Variants in CORIN observed in about 807,000 individuals in gnomAD.
CORIN encodes atrial natriuretic peptide-converting enzyme.
A neutral mutation model predicts 125.3 loss-of-function variants in CORIN; 117 were observed. That is an observed-to-expected ratio of 0.93 (90% CI 0.80 to 1.09). CORIN has a LOEUF of 1.09. Ranked by LOEUF, CORIN falls within the 50% of genes least tolerant of loss-of-function variation. The pLI is 0.00. For synonymous variants in CORIN, 450 were observed against 466.4 expected (o/e 0.96, Z 0.45); for missense variants, 1,253 against 1,306.7 (o/e 0.96, Z 0.63).
chr4:47,825,505 T>C (rs1011261965), intron 1 of CORIN, among the ~76,000 whole-genome samples: 3 of 152,154 alleles, frequency 2.0e-5, no homozygotes, highest in African/African-American at 4.8e-5. Flanking sequence ...CACACTAAAG[T>C]TCTAGGATCA....
At chr4:47,808,550 C>A (rs1328803377) in intron 1 of CORIN, among the ~76,000 whole-genome samples, 1 of 152,190 alleles carries the variant, frequency 6.6e-6, no homozygotes, top group Non-Finnish European at 1.5e-5. Flanking sequence ...TTTAAGAATT[C>A]TCCATGAGAG....
intron 13 of CORIN, among the ~76,000 whole-genome samples, 189 bp downstream of exon 13, chr4:47,653,364 T>A (rs1343389500): frequency 1.3e-5 from 2 of 152,164 alleles, no homozygotes; most frequent in African/African-American, 4.8e-5. Flanking sequence ...AAGTGCAATT[T>A]AGAGGAAATC....
Position 47,623,603 on chromosome 4 carries a change from C to T in CORIN, c.2508G>A (p.Lys836=), listed in dbSNP as rs1722425453. ...HICGCVLIAK[K]WVLTVAHCFE... ...AGCAGTGGGCAACTGTCAGAACCCACTTCTTGGCAATGAGGACACAGCCAC... is the reference window on the plus strand; with the variant it reads ...AGCAGTGGGCAACTGTCAGAACCCATTTCTTGGCAATGAGGACACAGCCAC... Residue 836 remains lysine (K), a synonymous_variant, in exon 19 of 22, where the codon AAG becomes AAA. Coordinates refer to ENST00000273857, the MANE Select transcript of CORIN (RefSeq NM_006587.4). The T allele has an allele frequency of 6.2e-7, 1 of 1,614,210 alleles. No individual in the cohort carries two copies. The highest frequency in any genetic ancestry group is 1.1e-5 in the South Asian group (1 of 91,088).
intron 2 of CORIN, among the ~76,000 whole-genome samples, chr4:47,798,052 A>T (rs1295183010): frequency 6.6e-6 from 1 of 152,178 alleles, no homozygotes; most frequent in Non-Finnish European, 1.5e-5. Context: ...TTTAGAGTCC[A>T]AATCTTTGGA....
intron 16 of CORIN, among the ~76,000 whole-genome samples, chr4:47,626,996 T>TTGTTG (rs1560478609): frequency 7.0e-6 from 1 of 142,422 alleles, no homozygotes; most frequent in African/African-American, 2.8e-5. Flanking sequence ...TGTTGTTGTT[T>TTGTTG]TTTTTTTGAT....
In CORIN at chr4:47,807,061, G is replaced by A. The variant is rs769287777; in HGVS notation, c.64-14C>T. 3.8e-6 allele frequency: 6 copies of A among 1,599,544 alleles called. No homozygotes were observed. In the Admixed American group the frequency reaches 7.1e-5, roughly 19 times the overall value. On this transcript the variant is annotated splice_polypyrimidine_tract_variant and intron_variant, in intron 1 of 21. Transcript: ENST00000273857. ...AGCTCTCAAGACCTAAAGTAAAAGA[G>A]GAAAATGCAACATGGTTTTAGTTTT...
chr4:47,744,730 T>C (rs1474857829), intron 4 of CORIN, 147 bp from the exon 5 acceptor site: 10 of 658,404 alleles, frequency 1.5e-5, no homozygotes, highest in Non-Finnish European at 2.4e-5. Flanking sequence ...TTACATTCAG[T>C]CCTATGACAG....
intron 4 of CORIN, among the ~76,000 whole-genome samples, chr4:47,760,687 T>C (rs1229300760): frequency 1.3e-5 from 2 of 152,228 alleles, no homozygotes; most frequent in Non-Finnish European, 2.9e-5. Flanking sequence ...AGTCTGTCCT[T>C]TGAAGTTTTA....
intron 1 of CORIN, among the ~76,000 whole-genome samples, chr4:47,832,906 G>T (rs1484800948): frequency 6.6e-6 from 1 of 152,160 alleles, no homozygotes; most frequent in East Asian, 1.9e-4. Context: ...TGCCCAAGGA[G>T]ACTGAAGAAA....
intron 5 of CORIN, among the ~76,000 whole-genome samples, chr4:47,708,786 G>A (rs916884292): frequency 3.9e-5 from 6 of 152,176 alleles, no homozygotes; most frequent in Admixed American, 6.5e-5. Flanking sequence ...GTCTTATTTC[G>A]CTCATTTCTC....
At chr4:47,837,613 G>T (rs1399405416) in intron 1 of CORIN, 1 of 563,592 alleles carries the variant, frequency 1.8e-6, no homozygotes, top group Non-Finnish European at 3.1e-6. Context: ...GGATCGAGCC[G>T]ACTCGAACAC....
chr4:47,689,661 CT>C, intron 6 of CORIN, among the ~76,000 whole-genome samples: 1 of 152,334 alleles, frequency 6.6e-6, no homozygotes, highest in Admixed American at 6.5e-5. Flanking sequence ...CTACTAAGCA[CT>C]TGCTATGTCC....
chr4:47,684,429 C>T (rs982366416), intron 6 of CORIN, among the ~76,000 whole-genome samples: 14 of 152,282 alleles, frequency 9.2e-5, no homozygotes, highest in Admixed American at 3.3e-4. Flanking sequence ...AAATAAACAA[C>T]ATCCAGGGCA....
chr4:47,613,065 G>C (rs1721930843), intron 19 of CORIN, among the ~76,000 whole-genome samples: 1 of 152,202 alleles, frequency 6.6e-6, no homozygotes, highest in Non-Finnish European at 1.5e-5. Context: ...ACAAAGTTGG[G>C]AGAGTTTAAG....
At chr4:47,626,297 G>A in intron 17 of CORIN, 108 bp downstream of exon 17, 1 of 725,208 alleles carries the variant, frequency 1.4e-6, no homozygotes, top group Non-Finnish European at 2.5e-6. Context: ...ACTCTTTACT[G>A]ATATGACAAA....
chr4:47,806,922 C>G lies in CORIN; in HGVS notation c.189G>C (p.Val63=). The stretch of plus-strand genomic sequence containing the variant: ...ACCCACCAACATAGGAAAGCAGGAT[C>G]ACCAGCAAGAGAACGAGAGCACAGA... The part of the protein sequence containing the change: ...PCICALVLLL[V]ILLSYVGTLQ... The change falls in exon 2 of 22, where the codon GTG becomes GTC. Residue 63 remains valine, a synonymous_variant. Transcript: ENST00000273857. The G allele has an allele frequency of 6.2e-7, 1 of 1,612,734 alleles. No individual in the cohort carries two copies. Among genetic ancestry groups the G allele is most frequent in the Non-Finnish European group, 8.5e-7 (1 of 1,179,536 alleles).
rs115958544 is a variant in CORIN, at chr4:47,697,165, T to G, written c.800-4082A>C. ...AGATGAAAAAGACTGAGTGTAATCTTTCAGCGGCTGATACAAGAATACTTC... is the reference window on the plus strand; with the variant it reads ...AGATGAAAAAGACTGAGTGTAATCTGTCAGCGGCTGATACAAGAATACTTC... On this transcript the variant is annotated intron_variant, in intron 5 of 21. Transcript: ENST00000273857. 5.3e-3 allele frequency among the ~76,000 whole-genome samples: 800 copies of G among 152,324 alleles called. 5 individuals carry two copies. The highest frequency in any genetic ancestry group is 0.018 in the African/African-American group (740 of 41,568).
chr4:47,734,815 C>T (rs1046045411), intron 5 of CORIN, among the ~76,000 whole-genome samples: 7 of 152,194 alleles, frequency 4.6e-5, no homozygotes. Context: ...CCTCTACCTA[C>T]TAGGTGTTAG....
chr4:47,779,924 G>A (rs1730466219), intron 3 of CORIN, among the ~76,000 whole-genome samples: 2 of 152,134 alleles, frequency 1.3e-5, no homozygotes, highest in Admixed American at 6.5e-5. Context: ...ATAAATCACT[G>A]CAATTTAGAC....
Sources: allele counts gnomAD v4.1 joint callset (sites outside exome capture counted in the v4.1 genomes callset), GRCh38; gene constraint gnomAD v4.1.1; transcripts MANE v1.5; gene names NCBI Gene and HGNC (gene_info 2026-07-23, HGNC 2026-07-21).